The following KDM4C variants were observed in gnomAD, a reference collection of about 807,000 sequenced individuals.
KDM4C encodes the protein lysine-specific demethylase 4C.
Under a neutral mutation model 129.3 loss-of-function variants are expected in KDM4C, and 81 were observed. The ratio of observed to expected loss-of-function variants is 0.63; its 90% confidence interval spans 0.52 to 0.75. The LOEUF is 0.75. Ranked by LOEUF, KDM4C falls within the 30% of genes least tolerant of loss-of-function variation. KDM4C has a pLI of 0.00. For synonymous variants in KDM4C, 573 were observed against 456.1 expected (o/e 1.26, Z -3.26); for missense variants, 1,457 against 1,304.0 (o/e 1.12, Z -1.81).
At chr9:7,053,507 C>A (rs1255652731) in intron 17 of KDM4C, among the ~76,000 whole-genome samples, 1 of 152,134 alleles carries the variant, frequency 6.6e-6, no homozygotes, top group Non-Finnish European at 1.5e-5. Flanking sequence ...TTAGCTCATC[C>A]AGCCACCTTG....
In KDM4C at chr9:7,057,158, G is replaced by C. The variant is rs187456598; in HGVS notation, c.2424+7958G>C. 3.9e-5 allele frequency among the ~76,000 whole-genome samples: 6 copies of C among 152,222 alleles called. No homozygotes were observed. In the South Asian group the frequency reaches 1.2e-3, roughly 32 times the overall value. ...TTAGGTTATTCATTTCCTCAGAAGG[G>C]TGGGTTTTAAAAATCCACAAAGAAA... On this transcript the variant is annotated intron_variant, in intron 17 of 21. Transcript: ENST00000381309.
chr9:7,095,203 C>T (rs576565251), intron 17 of KDM4C, among the ~76,000 whole-genome samples: 102 of 152,298 alleles, frequency 6.7e-4, no homozygotes, highest in Non-Finnish European at 1.3e-3. Context: ...TACTGTTCCA[C>T]CCCGGTCCTC....
intron 15 of KDM4C, among the ~76,000 whole-genome samples, chr9:7,031,548 AAAG>A (rs1826773338): frequency 6.6e-6 from 1 of 152,172 alleles, no homozygotes; most frequent in Admixed American, 6.6e-5. Context: ...TTCCACTTAC[AAAG>A]AATGGAATAT....
At chr9:6,767,332 A>G (rs1257867147) in intron 1 of KDM4C, among the ~76,000 whole-genome samples, 2 of 151,110 alleles carry the variant, frequency 1.3e-5, no homozygotes, top group Non-Finnish European at 2.9e-5. Flanking sequence ...TAGTGGAGAC[A>G]GGGTTTCACC....
At chr9:6,929,752 C>T (rs1303467987) in intron 8 of KDM4C, among the ~76,000 whole-genome samples, 1 of 152,066 alleles carries the variant, frequency 6.6e-6, no homozygotes, top group Non-Finnish European at 1.5e-5. Context: ...TATGTGCAAG[C>T]AGAAAGGATA....
intron 17 of KDM4C, among the ~76,000 whole-genome samples, chr9:7,081,754 C>T (rs1297469236): frequency 6.6e-6 from 1 of 152,182 alleles, no homozygotes; most frequent in East Asian, 1.9e-4. Context: ...CTTGGGATTT[C>T]CACTATTTGC....
intron 4 of KDM4C, among the ~76,000 whole-genome samples, chr9:6,848,672 A>G (rs536713456): frequency 7.8e-4 from 105 of 134,632 alleles, no homozygotes; most frequent in Middle Eastern, 3.6e-3. Flanking sequence ...GTCTCAGGGG[A>G]AAAAAAAAAA....
chr9:6,721,171 TCAGGTGATTCTCC>T (rs1294645549), intron 1 of KDM4C: 1 of 468,782 alleles, frequency 2.1e-6, no homozygotes, highest in East Asian at 3.7e-5. Context: ...CATCCCAGGC[TCAGGTGATTCTCC>T]CACCCCAGTC....
At chr9:6,887,907 G>C (rs1845535172) in intron 6 of KDM4C, 53 bp from the exon 7 acceptor site, 1 of 1,051,254 alleles carries the variant, frequency 9.5e-7, no homozygotes, top group South Asian at 1.3e-5. Context: ...AAACCTATTT[G>C]ATATTTTCTC....
intron 12 of KDM4C, among the ~76,000 whole-genome samples, chr9:7,004,386 A>T (rs1027923565): frequency 6.6e-6 from 1 of 152,198 alleles, no homozygotes; most frequent in African/African-American, 2.4e-5. Context: ...AACTATGAAA[A>T]CTTAAAAAGC....
At chr9:6,794,645 G>T (rs569457038) in intron 2 of KDM4C, among the ~76,000 whole-genome samples, 17 of 152,318 alleles carry the variant, frequency 1.1e-4, no homozygotes, top group African/African-American at 3.8e-4. Context: ...AGAGCCAATG[G>T]TGACCCAGAC....
chr9:6,888,170 G>C, intron 7 of KDM4C, 107 bp downstream of exon 7: 2 of 502,730 alleles, frequency 4.0e-6, no homozygotes, highest in Non-Finnish European at 7.0e-6. Context: ...TGTGGGTAGA[G>C]AAATTCAAAT....
At chr9:7,138,191 C>G in intron 19 of KDM4C, among the ~76,000 whole-genome samples, 1 of 152,134 alleles carries the variant, frequency 6.6e-6, no homozygotes, top group Non-Finnish European at 1.5e-5. Context: ...CTAATCTTCC[C>G]TACAGAGAGT....
At chr9:6,961,641 A>G (rs1022240347) in intron 8 of KDM4C, among the ~76,000 whole-genome samples, 43 of 152,250 alleles carry the variant, frequency 2.8e-4, no homozygotes, top group African/African-American at 9.9e-4. Context: ...AAAATTATTT[A>G]TCATAGTAAT....
chr9:7,138,366 C>A (rs10976063), intron 19 of KDM4C, among the ~76,000 whole-genome samples: 1 of 152,064 alleles, frequency 6.6e-6, no homozygotes, highest in Non-Finnish European at 1.5e-5. Context: ...GATGTTTTAT[C>A]CAATACCATT....
intron 12 of KDM4C, among the ~76,000 whole-genome samples, chr9:7,001,188 T>C (rs1319591167): frequency 6.6e-6 from 1 of 152,248 alleles, no homozygotes; most frequent in Admixed American, 6.5e-5. Context: ...ACCTGTCAAG[T>C]GAACCTATAA....
intron 5 of KDM4C, among the ~76,000 whole-genome samples, chr9:6,854,176 A>G (rs888467954): frequency 2.6e-5 from 4 of 152,166 alleles, no homozygotes; most frequent in East Asian, 3.9e-4. Flanking sequence ...GCTAGAGGAT[A>G]TAGAATTCAG....
chr9:6,766,552 A>T (rs940108787), intron 1 of KDM4C, among the ~76,000 whole-genome samples: 3 of 152,100 alleles, frequency 2.0e-5, no homozygotes, highest in African/African-American at 7.2e-5. Context: ...GAACTTTTTC[A>T]GTCGACCGAG....
chr9:7,053,786 A>C (rs1028853706), intron 17 of KDM4C, among the ~76,000 whole-genome samples: 1 of 152,166 alleles, frequency 6.6e-6, no homozygotes, highest in Non-Finnish European at 1.5e-5. Context: ...TTGCTGCCCC[A>C]GCTAAAAAAA....
Sources: allele counts gnomAD v4.1 joint callset (sites outside exome capture counted in the v4.1 genomes callset), GRCh38; gene constraint gnomAD v4.1.1; transcripts MANE v1.5; gene names NCBI Gene and HGNC (gene_info 2026-07-23, HGNC 2026-07-21).